SMG7: variants seen among roughly 807,000 people sequenced by gnomAD.
SMG7 encodes nonsense-mediated mRNA decay factor SMG7.
A neutral mutation model predicts 148.2 loss-of-function variants in SMG7; 34 were observed. That is an observed-to-expected ratio of 0.23 (90% CI 0.17 to 0.31). The LOEUF (loss-of-function observed/expected upper bound fraction) is 0.31. SMG7 is among the 10% of genes least tolerant of loss of function. The pLI, the probability that SMG7 is intolerant of heterozygous loss-of-function variation, is 1.00. For synonymous variants in SMG7, 492 were observed against 515.1 expected, an observed-to-expected ratio of 0.96 and a Z score of 0.61; for missense variants, 1,114 against 1,408.4, an observed-to-expected ratio of 0.79 and a Z score of 3.35.
At chr1:183,515,011 G>T (rs1423920045) in intron 2 of SMG7, among the ~76,000 whole-genome samples, 1 of 152,156 alleles carries the variant, frequency 6.6e-6, no homozygotes, top group Non-Finnish European at 1.5e-5. Flanking sequence ...TAATTGAAAA[G>T]CCCATTATTA....
At chr1:183,535,181 A>G (rs1369063305) in intron 10 of SMG7, among the ~76,000 whole-genome samples, 1 of 152,198 alleles carries the variant, frequency 6.6e-6, no homozygotes, top group Non-Finnish European at 1.5e-5. Context: ...CCATTTGCTT[A>G]TAGAGTTTTT....
chr1:183,549,413 G>C, intron 19 of SMG7, 125 bp downstream of exon 19: 1 of 712,566 alleles, frequency 1.4e-6, no homozygotes, highest in Non-Finnish European at 2.4e-6. Context: ...CCAGATATTT[G>C]ATTTTATCCC....
At chr1:183,517,902 C>T in intron 4 of SMG7, 82 bp downstream of exon 4, 1 of 1,390,280 alleles carries the variant, frequency 7.2e-7, no homozygotes, top group East Asian at 2.3e-5. Context: ...TGCATGTAAA[C>T]AATTCTTGTA....
chr1:183,476,089 C>A (rs922805104), intron 1 of SMG7, among the ~76,000 whole-genome samples: 1 of 152,178 alleles, frequency 6.6e-6, no homozygotes, highest in African/African-American at 2.4e-5. Context: ...CTGAATTTCC[C>A]TCCTCCTCTT....
intron 1 of SMG7, chr1:183,508,084 A>G: frequency 1.3e-6 from 1 of 786,938 alleles, no homozygotes; most frequent in Non-Finnish European, 1.5e-6. Context: ...TACCAAGAGA[A>G]AACATTTTAA....
In SMG7 at chr1:183,552,389, T is replaced by A. The variant is rs1165240099; in HGVS notation, c.*458T>A. On this transcript the variant is annotated 3_prime_UTR_variant, in exon 23 of 23. Transcript: ENST00000688051. ...ATGTAGTTGAAATTATTCTTAAACA[T>A]CTTTTATTATTATTACTCTCAGTAG... is the stretch of plus-strand genomic sequence containing the variant. 5.1e-6 allele frequency: 5 copies of A among 989,556 alleles called. No homozygotes were observed. The highest frequency in any genetic ancestry group is 3.5e-5 in the African/African-American group (2 of 57,440). The allele number at this position is 989,556 out of a possible 1,614,324, so 61.3% of individuals were successfully genotyped here. A position where few individuals can be genotyped will look rare whatever the true frequency, so the allele number is the denominator to read the frequency against.
intron 1 of SMG7, among the ~76,000 whole-genome samples, chr1:183,512,413 A>C (rs754680304): frequency 6.6e-6 from 1 of 152,200 alleles, no homozygotes; most frequent in Non-Finnish European, 1.5e-5. Flanking sequence ...AGGAAGGGAC[A>C]TAGGAATCAG....
intron 1 of SMG7, among the ~76,000 whole-genome samples, chr1:183,482,793 A>C (rs188495789): frequency 3.6e-4 from 55 of 152,328 alleles, no homozygotes; most frequent in African/African-American, 1.3e-3. Flanking sequence ...TCAGGCATCC[A>C]CAGAGTCATC....
At chr1:183,514,232 A>G (rs1475146163) in intron 2 of SMG7, among the ~76,000 whole-genome samples, 1 of 151,558 alleles carries the variant, frequency 6.6e-6, no homozygotes, top group African/African-American at 2.4e-5. Flanking sequence ...AAAAAAAAAA[A>G]AGAATTAAAC....
chr1:183,530,538 C>G, intron 8 of SMG7, among the ~76,000 whole-genome samples: 1 of 152,110 alleles, frequency 6.6e-6, no homozygotes, highest in East Asian at 1.9e-4. Context: ...TTGTCATGTC[C>G]TAGGCTGTTC....
intron 1 of SMG7, among the ~76,000 whole-genome samples, chr1:183,478,252 T>C (rs1653159239): frequency 6.6e-6 from 1 of 152,122 alleles, no homozygotes; most frequent in Non-Finnish European, 1.5e-5. Flanking sequence ...GTCCACGAAG[T>C]CTTCTTCACC....
rs1662567321 is a variant in SMG7 at position 183,513,132 on chromosome 1, A to G, written c.61+264A>G. 8.2e-6 allele frequency: 3 copies of G among 366,620 alleles called. No individual in the cohort carries two copies. The South Asian group carries it at 3.0e-4, about 37-fold the overall frequency. The allele number at this position is 366,620 out of a possible 1,614,324, so 22.7% of individuals were successfully genotyped here. ...TAGTTTATATAATCACTTAATTTTTATGAAACTTTTTATTAATGATTTAAG... is the reference window on the plus strand; with the variant it reads ...TAGTTTATATAATCACTTAATTTTTGTGAAACTTTTTATTAATGATTTAAG... On this transcript the variant is annotated intron_variant, in intron 2 of 22. Coordinates refer to ENST00000688051, the MANE Select transcript of SMG7 (RefSeq NM_001375584.1).
intron 14 of SMG7, 136 bp downstream of exon 14, chr1:183,542,638 T>C: frequency 1.5e-6 from 1 of 673,592 alleles, no homozygotes; most frequent in Non-Finnish European, 2.5e-6. Context: ...AGTAAGGTTA[T>C]ATAAAGAGCT....
At chr1:183,544,328 A>T in intron 14 of SMG7, 25 bp from the exon 15 acceptor site, 1 of 1,602,254 alleles carries the variant, frequency 6.2e-7, no homozygotes, top group Non-Finnish European at 8.5e-7. Context: ...TTTATTATAG[A>T]TAGTTTTGCT....
At chr1:183,503,684 A>G (rs920285301) in intron 1 of SMG7, among the ~76,000 whole-genome samples, 2 of 152,208 alleles carry the variant, frequency 1.3e-5, no homozygotes, top group African/African-American at 4.8e-5. Flanking sequence ...CAGATTAGCA[A>G]AAGTAATTTG....
At chr1:183,478,734 C>T (rs945535083) in intron 1 of SMG7, among the ~76,000 whole-genome samples, 26 of 151,052 alleles carry the variant, frequency 1.7e-4, no homozygotes, top group African/African-American at 6.3e-4. Context: ...TGTTTCCTGC[C>T]TCCGGCTAGC....
intron 8 of SMG7, among the ~76,000 whole-genome samples, chr1:183,529,954 A>G (rs1666570548): frequency 6.6e-6 from 1 of 152,172 alleles, no homozygotes; most frequent in African/African-American, 2.4e-5. Context: ...AATGAAAGGA[A>G]TGAGAGTTTC....
chr1:183,544,302 C>T, intron 14 of SMG7, 51 bp from the exon 15 acceptor site: 1 of 1,487,074 alleles, frequency 6.7e-7, no homozygotes, highest in Non-Finnish European at 9.4e-7. Context: ...TTCTTTCTAG[C>T]ACATTTGAGT....
At chr1:183,529,569 TA>T in intron 8 of SMG7, 36 bp downstream of exon 8, 1 of 1,575,140 alleles carries the variant, frequency 6.3e-7, no homozygotes, top group East Asian at 2.3e-5. Context: ...TTGTCTTGTC[TA>T]AATCAGGAAG....
Sources: gnomAD v4.1 joint callset for allele counts (sites outside exome capture counted in the v4.1 genomes callset) on GRCh38, gnomAD v4.1.1 for gene constraint, MANE v1.5 for transcripts, NCBI Gene and HGNC (gene_info 2026-07-23, HGNC 2026-07-21) for gene names.